Variants in PEX5L observed in about 807,000 individuals in gnomAD.
PEX5L encodes the protein PEX5-related protein.
PEX5L carries 30 observed loss-of-function variants against 84.0 expected under a neutral mutation model. The ratio of observed to expected loss-of-function variants is 0.36; its 90% CI spans 0.27 to 0.48. The LOEUF (loss-of-function observed/expected upper bound fraction) is 0.48. PEX5L is among the 20% of genes least tolerant of loss of function. The pLI, the probability that PEX5L is intolerant of heterozygous loss-of-function variation, is 0.99. For missense variants in PEX5L, 533 were observed against 754.6 expected (o/e 0.71, Z 3.44); for synonymous variants, 270 against 283.1 (o/e 0.95, Z 0.46).
chr3:179,866,217 C>A (rs1172454804), intron 7 of PEX5L, among the ~76,000 whole-genome samples: 2 of 152,130 alleles, frequency 1.3e-5, no homozygotes, highest in Admixed American at 6.6e-5. Flanking sequence ...GTTGGCTAAC[C>A]ACAATGACCG....
chr3:179,852,090 G>A (rs974515777), intron 8 of PEX5L, among the ~76,000 whole-genome samples: 3 of 152,142 alleles, frequency 2.0e-5, no homozygotes, highest in African/African-American at 7.2e-5. Flanking sequence ...CAAGCAACAC[G>A]CGTTTACTAT....
intron 8 of PEX5L, among the ~76,000 whole-genome samples, chr3:179,834,281 C>T (rs981983209): frequency 5.3e-5 from 8 of 152,322 alleles, no homozygotes; most frequent in South Asian, 4.1e-4. Context: ...GGAGTGAGGC[C>T]GCCTGGAGCC....
chr3:179,957,670 T>A (rs1216827594), intron 2 of PEX5L, among the ~76,000 whole-genome samples: 1 of 152,206 alleles, frequency 6.6e-6, no homozygotes, highest in Non-Finnish European at 1.5e-5. Flanking sequence ...AATACTGAAG[T>A]GACAGGCTTT....
At chr3:179,978,063 T>C (rs1012038253) in intron 1 of PEX5L, among the ~76,000 whole-genome samples, 1 of 152,248 alleles carries the variant, frequency 6.6e-6, no homozygotes, top group African/African-American at 2.4e-5. Flanking sequence ...TTTTGCCATA[T>C]GCATGAGCCC....
chr3:179,874,116 C>A (rs372505890), intron 7 of PEX5L, among the ~76,000 whole-genome samples: 1 of 144,188 alleles, frequency 6.9e-6, no homozygotes, highest in Non-Finnish European at 1.5e-5. Context: ...ATTTTCCAGC[C>A]AAATGTGTAG....
intron 2 of PEX5L, among the ~76,000 whole-genome samples, chr3:179,965,783 G>T (rs1783183291): frequency 6.6e-6 from 1 of 152,202 alleles, no homozygotes; most frequent in African/African-American, 2.4e-5. Flanking sequence ...AAGATAATTT[G>T]CATTACTGTT....
intron 1 of PEX5L, among the ~76,000 whole-genome samples, chr3:180,030,650 GT>G (rs1791368854): frequency 6.6e-6 from 1 of 152,188 alleles, no homozygotes; most frequent in Non-Finnish European, 1.5e-5. Flanking sequence ...GTGTGTGGGA[GT>G]GGGGATTTTG....
chr3:179,906,049 A>C (rs1763087663), intron 2 of PEX5L, among the ~76,000 whole-genome samples: 1 of 152,224 alleles, frequency 6.6e-6, no homozygotes, highest in African/African-American at 2.4e-5. Flanking sequence ...AGTTTCAAGC[A>C]CCTAAATAAA....
At chr3:179,932,381 G>T (rs909428994) in intron 2 of PEX5L, among the ~76,000 whole-genome samples, 1 of 152,100 alleles carries the variant, frequency 6.6e-6, no homozygotes, top group East Asian at 1.9e-4. Context: ...ACGTTTGCTT[G>T]AGTTTCATAT....
chr3:179,892,154 A>G (rs1021312376), intron 3 of PEX5L, among the ~76,000 whole-genome samples: 11 of 152,158 alleles, frequency 7.2e-5, no homozygotes, highest in Admixed American at 1.3e-4. Context: ...AGTTAAAATG[A>G]CCCACTTCAT....
intron 11 of PEX5L, among the ~76,000 whole-genome samples, chr3:179,810,604 T>G (rs1243939442): frequency 6.6e-6 from 1 of 152,144 alleles, no homozygotes. Context: ...TTGTGCAGGT[T>G]TGACAAGTTC....
intron 9 of PEX5L, among the ~76,000 whole-genome samples, chr3:179,816,960 G>A (rs556265306): frequency 6.6e-6 from 1 of 151,458 alleles, no homozygotes; most frequent in East Asian, 1.9e-4. Flanking sequence ...TGTTCTTTTT[G>A]TTTCAACAGT....
chr3:179,968,223 T>C (rs556805007), intron 2 of PEX5L, among the ~76,000 whole-genome samples: 9 of 152,282 alleles, frequency 5.9e-5, no homozygotes, highest in Non-Finnish European at 8.8e-5. Flanking sequence ...GTTATCTAGG[T>C]CCAGCTTATC....
Position 179,809,617 on chromosome 3 carries a change from C to T in PEX5L, c.1206G>A (p.Val402=). 1 of 1,612,790 alleles carries T rather than the reference C, an allele frequency of 6.2e-7. No homozygotes were observed. Among genetic ancestry groups the T allele is most frequent in the Non-Finnish European group, 8.5e-7 (1 of 1,179,742 alleles). ...NNLKALMALA[V]SYTNTGHQQD... ...GCTGATGGCCAGTGTTAGTATAACTCACAGCCAAGGCCATCAAAGCTTTTA... is the reference window on the plus strand; with the variant it reads ...GCTGATGGCCAGTGTTAGTATAACTTACAGCCAAGGCCATCAAAGCTTTTA... Residue 402 remains valine (V), a synonymous_variant, in exon 12 of 15, where the codon GTG becomes GTA. Transcript: ENST00000467460.
At chr3:179,961,528 C>T (rs965839805) in intron 2 of PEX5L, among the ~76,000 whole-genome samples, 6 of 152,184 alleles carry the variant, frequency 3.9e-5, no homozygotes, top group African/African-American at 1.4e-4. Flanking sequence ...AAAGCGCAAC[C>T]ACAGAATGAC....
At chr3:179,875,584 A>T (rs1280330601) in intron 5 of PEX5L, 107 bp from the exon 6 acceptor site, 1 of 712,542 alleles carries the variant, frequency 1.4e-6, no homozygotes, top group African/African-American at 1.8e-5. Flanking sequence ...AGAGGGAAAA[A>T]GATTAATTAA....
At chr3:180,007,727 G>T (rs909238059) in intron 1 of PEX5L, among the ~76,000 whole-genome samples, 2 of 152,230 alleles carry the variant, frequency 1.3e-5, no homozygotes, top group Non-Finnish European at 2.9e-5. Flanking sequence ...CCACATGGAA[G>T]CTGCCAAGGT....
chr3:179,805,880 G>T (rs980313260), intron 14 of PEX5L, among the ~76,000 whole-genome samples: 3 of 151,808 alleles, frequency 2.0e-5, no homozygotes, highest in African/African-American at 7.3e-5. Flanking sequence ...ATCTGTGAAT[G>T]CCAAGAAAGT....
At chr3:179,877,464 T>C (rs936901412) in intron 5 of PEX5L, among the ~76,000 whole-genome samples, 54 of 152,170 alleles carry the variant, frequency 3.5e-4, no homozygotes, top group African/African-American at 1.3e-3. Flanking sequence ...TATATTAATA[T>C]ATTCTTTTTT....
Sources: gnomAD v4.1 joint callset for allele counts (sites outside exome capture counted in the v4.1 genomes callset) on GRCh38, gnomAD v4.1.1 for gene constraint, MANE v1.5 for transcripts, NCBI Gene and HGNC (gene_info 2026-07-23, HGNC 2026-07-21) for gene names.